Variants in ICA1 observed in about 807,000 individuals in gnomAD.
The protein encoded by ICA1 is 69 kDa islet cell autoantigen.
In ICA1, 40 loss-of-function variants were observed where a neutral mutation model predicts 71.0. The ratio of observed to expected loss-of-function variants is 0.56; its 90% CI spans 0.44 to 0.73. The LOEUF is 0.73. Ranked by LOEUF, ICA1 falls within the 30% of genes least tolerant of loss-of-function variation. ICA1 has a pLI of 0.00. For synonymous variants in ICA1, 207 were observed against 209.5 expected, an observed-to-expected ratio of 0.99 and a Z score of 0.10; for missense variants, 578 against 576.5, an observed-to-expected ratio of 1.00 and a Z score of -0.03.
intron 1 of ICA1, among the ~76,000 whole-genome samples, chr7:8,241,942 C>G (rs1220746285): frequency 6.6e-6 from 1 of 152,168 alleles, no homozygotes; most frequent in African/African-American, 2.4e-5. Context: ...TACAAAGAGA[C>G]TTAGACTCCC....
chr7:8,158,840 A>C (rs1442247582), intron 6 of ICA1, among the ~76,000 whole-genome samples, 188 bp from the exon 7 acceptor site: 4 of 152,234 alleles, frequency 2.6e-5, no homozygotes, highest in Admixed American at 1.3e-4. Context: ...AGAGTACTGC[A>C]TATTATGATT....
At chr7:8,248,949 T>C (rs1020348935) in intron 1 of ICA1, among the ~76,000 whole-genome samples, 1 of 152,236 alleles carries the variant, frequency 6.6e-6, no homozygotes, top group Non-Finnish European at 1.5e-5. Flanking sequence ...TCATTTTTCT[T>C]TCTTCATGGA....
intron 6 of ICA1, among the ~76,000 whole-genome samples, chr7:8,217,453 C>T (rs1021657262): frequency 2.0e-5 from 3 of 152,128 alleles, no homozygotes; most frequent in Admixed American, 1.3e-4. Flanking sequence ...AATAAGAAAT[C>T]TAGGGATTTT....
chr7:8,221,124 G>A, intron 5 of ICA1, 151 bp downstream of exon 5: 4 of 789,278 alleles, frequency 5.1e-6, no homozygotes, highest in Non-Finnish European at 5.9e-6. Flanking sequence ...AGAGAGTTAA[G>A]TACAAACTGC....
At chr7:8,181,863 C>T (rs148974820) in intron 6 of ICA1, among the ~76,000 whole-genome samples, 1 of 152,258 alleles carries the variant, frequency 6.6e-6, no homozygotes, top group East Asian at 1.9e-4. Context: ...TTAAAACTAT[C>T]CAGGAGATTA....
chr7:8,213,378 G>C (rs1794432875), intron 6 of ICA1, among the ~76,000 whole-genome samples: 2 of 152,174 alleles, frequency 1.3e-5, no homozygotes, highest in South Asian at 4.1e-4. Flanking sequence ...ATCCAAACTG[G>C]AAATGTTCCC....
chr7:8,175,485 C>T (rs1398059229), intron 6 of ICA1, among the ~76,000 whole-genome samples: 1 of 152,004 alleles, frequency 6.6e-6, no homozygotes, highest in Non-Finnish European at 1.5e-5. Flanking sequence ...CCAGATAATA[C>T]TCCCTTCGCA....
chr7:8,259,930 C>T (rs1193581284), intron 1 of ICA1, among the ~76,000 whole-genome samples: 1 of 152,006 alleles, frequency 6.6e-6, no homozygotes, highest in African/African-American at 2.4e-5. Flanking sequence ...ATCTATGTTG[C>T]CTCATGGACA....
intron 6 of ICA1, among the ~76,000 whole-genome samples, chr7:8,159,301 C>A (rs546536759): frequency 6.6e-6 from 1 of 152,302 alleles, no homozygotes; most frequent in South Asian, 2.1e-4. Flanking sequence ...GATCCTTAAA[C>A]CATACAGGAA....
rs765105039 is a variant in ICA1 at position 8,221,311 on chromosome 7, G to A, written c.344C>T (p.Ala115Val). The A allele has an allele frequency of 6.8e-6, 11 of 1,613,506 alleles. No homozygotes were observed. The highest frequency in any genetic ancestry group is 3.3e-5 in the South Asian group (3 of 91,076). Residue 115 changes from alanine (A) to valine (V), a missense_variant, in exon 5 of 14, where the codon GCG becomes GTG. Coordinates refer to ENST00000402384, the MANE Select transcript of ICA1 (RefSeq NM_001136020.3). ...AGAAAAGCAGAGGGCCTTTCCTGTC[G>A]CTTGCATCATCTTTCCTGCTCTGGT... ...DKTRAGKMMQ[A>V]TGKALCFSSQ...
chr7:8,255,955 G>A (rs1416779584), intron 1 of ICA1, among the ~76,000 whole-genome samples: 2 of 151,628 alleles, frequency 1.3e-5, no homozygotes, highest in Admixed American at 1.3e-4. Flanking sequence ...TTAAATTGTT[G>A]GTAGAGATGA....
At chr7:8,169,402 C>T (rs1275278553) in intron 6 of ICA1, among the ~76,000 whole-genome samples, 2 of 152,088 alleles carry the variant, frequency 1.3e-5, no homozygotes, top group Non-Finnish European at 2.9e-5. Context: ...CTAAATCATA[C>T]AGTAAGTGTG....
Position 8,236,138 on chromosome 7 carries a change from CT to C in ICA1, c.-79-134del, listed in dbSNP as rs1317335331. 18 of 507,250 alleles carry C rather than the reference CT, an allele frequency of 3.5e-5. 1 individual carries two copies. The South Asian group carries it at 4.5e-4, about 13-fold the overall frequency. The allele number at this position is 507,250 out of a possible 1,614,324, so 31.4% of individuals were successfully genotyped here. ...GGTCTAACACTGTTACACAGTAATG[CT>C]GCACACTGGTGATGACAACAATATA... On this transcript the variant is annotated intron_variant, in intron 1 of 13. Transcript: ENST00000402384.
chr7:8,175,363 C>G (rs1780257238), intron 6 of ICA1, among the ~76,000 whole-genome samples: 1 of 152,188 alleles, frequency 6.6e-6, no homozygotes, highest in African/African-American at 2.4e-5. Context: ...TTCATTTCCT[C>G]CTAAACATTC....
intron 6 of ICA1, among the ~76,000 whole-genome samples, chr7:8,166,686 T>G (rs1384110783): frequency 6.6e-6 from 1 of 151,970 alleles, no homozygotes; most frequent in Non-Finnish European, 1.5e-5. Context: ...AAAGAAACTA[T>G]CAACAGAGAA....
chr7:8,217,440 C>A (rs1397681797), intron 6 of ICA1, among the ~76,000 whole-genome samples: 1 of 152,116 alleles, frequency 6.6e-6, no homozygotes, highest in East Asian at 1.9e-4. Context: ...CAATAATGTA[C>A]ATAATAAGAA....
At position 8,151,015 on chromosome 7, in the gene ICA1, C is replaced by T. The variant is rs117294673; in HGVS notation, c.804+6101G>A. On this transcript the variant is annotated intron_variant, in intron 8 of 13. Coordinates refer to ENST00000402384, the MANE Select transcript of ICA1 (RefSeq NM_001136020.3). ...AACACGGAAAGAAGAACAAGTATAT[C>T]CAATGTTCCAAGGTTATTTTGAGGG... 7.2e-3 allele frequency among the ~76,000 whole-genome samples: 1,099 copies of T among 152,308 alleles called. 34 individuals carry two copies. In the South Asian group the frequency reaches 0.081, roughly 11 times the overall value.
chr7:8,148,370 C>G (rs1474925600), intron 8 of ICA1, among the ~76,000 whole-genome samples: 4 of 152,042 alleles, frequency 2.6e-5, no homozygotes, highest in African/African-American at 9.7e-5. Flanking sequence ...ACTCACTGAT[C>G]CACCAAGAAT....
chr7:8,197,347 C>T, intron 6 of ICA1, among the ~76,000 whole-genome samples: 1 of 151,364 alleles, frequency 6.6e-6, no homozygotes, highest in Non-Finnish European at 1.5e-5. Flanking sequence ...AAGGTCAGGA[C>T]TTCAAGACAA....
Sources: allele counts gnomAD v4.1 joint callset (sites outside exome capture counted in the v4.1 genomes callset), GRCh38; gene constraint gnomAD v4.1.1; transcripts MANE v1.5; gene names NCBI Gene and HGNC (gene_info 2026-07-23, HGNC 2026-07-21).